DYNC1I1: variants seen among roughly 807,000 people sequenced by gnomAD.
DYNC1I1 encodes dynein cytoplasmic 1 intermediate chain 1, also known as cytoplasmic dynein 1 intermediate chain 1.
Under a neutral mutation model 86.6 loss-of-function variants are expected in DYNC1I1, and 43 were observed. That is an observed-to-expected ratio of 0.50 (90% confidence interval 0.39 to 0.64). DYNC1I1 has a LOEUF of 0.64. Ranked by LOEUF, DYNC1I1 falls within the 30% of genes least tolerant of loss-of-function variation. The pLI is 0.00. For synonymous variants in DYNC1I1, 262 were observed against 283.7 expected (o/e 0.92, Z 0.77); for missense variants, 604 against 788.8 (o/e 0.77, Z 2.81).
intron 16 of DYNC1I1, among the ~76,000 whole-genome samples, chr7:96,109,445 T>A (rs998962033): frequency 6.6e-6 from 1 of 151,726 alleles, no homozygotes; most frequent in Non-Finnish European, 1.5e-5. Context: ...TAACTTGCTC[T>A]TCTTTTTCTA....
At chr7:95,914,245 A>G (rs947758603) in intron 6 of DYNC1I1, among the ~76,000 whole-genome samples, 2 of 152,206 alleles carry the variant, frequency 1.3e-5, no homozygotes, top group Non-Finnish European at 2.9e-5. Context: ...CAGTAGCTGA[A>G]TAGGATGGGG....
chr7:95,963,694 G>T (rs930184557), intron 6 of DYNC1I1, among the ~76,000 whole-genome samples: 1 of 152,158 alleles, frequency 6.6e-6, no homozygotes, highest in Non-Finnish European at 1.5e-5. Flanking sequence ...ACTATTTGGA[G>T]GGATTGTCAG....
At chr7:95,990,505 T>G (rs1004711606) in intron 9 of DYNC1I1, among the ~76,000 whole-genome samples, 1 of 152,202 alleles carries the variant, frequency 6.6e-6, no homozygotes, top group Non-Finnish European at 1.5e-5. Context: ...TACTTCTTGC[T>G]TATGTTAGGA....
At chr7:96,025,435 A>G (rs1794654244) in intron 10 of DYNC1I1, among the ~76,000 whole-genome samples, 1 of 152,180 alleles carries the variant, frequency 6.6e-6, no homozygotes, top group Non-Finnish European at 1.5e-5. Flanking sequence ...GAAAATGAAA[A>G]AAAAAAGTCT....
intron 1 of DYNC1I1, among the ~76,000 whole-genome samples, chr7:95,798,765 CT>C (rs1794506991): frequency 6.6e-6 from 1 of 152,178 alleles, no homozygotes; most frequent in African/African-American, 2.4e-5. Flanking sequence ...GGTGCTGTTA[CT>C]CTGCAGCTGT....
intron 6 of DYNC1I1, among the ~76,000 whole-genome samples, chr7:95,902,060 G>T (rs911846775): frequency 6.6e-6 from 1 of 152,146 alleles, no homozygotes; most frequent in Admixed American, 6.6e-5. Flanking sequence ...TGCAATCTTT[G>T]TTTCTTTAGC....
chr7:95,893,857 G>C (rs923124043), intron 6 of DYNC1I1, among the ~76,000 whole-genome samples: 3 of 152,170 alleles, frequency 2.0e-5, no homozygotes, highest in Non-Finnish European at 2.9e-5. Context: ...AAATGAAACA[G>C]TAGAGTGTGC....
chr7:96,007,974 A>G (rs145119764), intron 10 of DYNC1I1, among the ~76,000 whole-genome samples: 11 of 152,174 alleles, frequency 7.2e-5, no homozygotes, highest in Admixed American at 3.3e-4. Flanking sequence ...ACGGTGAAGT[A>G]AGAGCTGCTG....
chr7:95,961,658 C>T (rs1312447119), intron 6 of DYNC1I1, among the ~76,000 whole-genome samples: 1 of 152,188 alleles, frequency 6.6e-6, no homozygotes, highest in African/African-American at 2.4e-5. Flanking sequence ...TGGCCAGGGA[C>T]AGAGGATGAG....
intron 14 of DYNC1I1, among the ~76,000 whole-genome samples, chr7:96,068,525 G>T (rs575706172): frequency 3.9e-5 from 6 of 152,232 alleles, no homozygotes; most frequent in Middle Eastern, 3.4e-3. Context: ...AGAATTAAAC[G>T]TTTAGATAAT....
intron 6 of DYNC1I1, among the ~76,000 whole-genome samples, chr7:95,928,878 T>G (rs1260395621): frequency 1.3e-5 from 2 of 152,004 alleles, no homozygotes; most frequent in Non-Finnish European, 2.9e-5. Flanking sequence ...GCATAAGTGG[T>G]GGTTCTTGCT....
At chr7:96,093,463 A>C (rs1413632210) in intron 16 of DYNC1I1, among the ~76,000 whole-genome samples, 1 of 152,212 alleles carries the variant, frequency 6.6e-6, no homozygotes, top group Non-Finnish European at 1.5e-5. Flanking sequence ...CATTGGCTGT[A>C]AAAATGGGAT....
chr7:95,843,460 C>T lies in DYNC1I1; in HGVS notation c.374+15344C>T, dbSNP rs139646722. Among the ~76,000 whole-genome samples the T allele has an allele frequency of 2.1e-4, 32 of 152,306 alleles. 2 individuals are homozygous for T. The East Asian group carries it at 6.2e-3, about 29-fold the overall frequency. On this transcript the variant is annotated intron_variant, in intron 5 of 16. Transcript: ENST00000447467. ...GTAACTTGGGGCAGTTGTAGGGCTC[C>T]TCTTACTTGTGTCCCTCCCTCATGT...
chr7:96,081,713 C>T (rs1040166406), intron 16 of DYNC1I1, among the ~76,000 whole-genome samples: 5 of 152,146 alleles, frequency 3.3e-5, no homozygotes, highest in Non-Finnish European at 5.9e-5. Context: ...TTTATGGTTT[C>T]ATCAATCAGC....
intron 5 of DYNC1I1, among the ~76,000 whole-genome samples, chr7:95,835,087 C>T (rs1789038437): frequency 2.4e-5 from 2 of 81,676 alleles, no homozygotes; most frequent in Non-Finnish European, 2.3e-5. Context: ...TGGATCTTTC[C>T]TGCTTTCTCT....
chr7:96,025,656 G>A (rs1461839704), intron 10 of DYNC1I1, among the ~76,000 whole-genome samples: 2 of 152,006 alleles, frequency 1.3e-5, no homozygotes, highest in Non-Finnish European at 1.5e-5. Flanking sequence ...CTTTGTTGGT[G>A]GTAAGTGTTG....
intron 14 of DYNC1I1, among the ~76,000 whole-genome samples, chr7:96,041,084 T>C (rs1055966717): frequency 2.0e-5 from 3 of 151,882 alleles, no homozygotes; most frequent in African/African-American, 7.3e-5. Context: ...ACTTAGGAAA[T>C]AAATAGAAAT....
At chr7:95,976,000 C>T (rs937705739) in intron 6 of DYNC1I1, among the ~76,000 whole-genome samples, 14 of 152,144 alleles carry the variant, frequency 9.2e-5, no homozygotes, top group Non-Finnish European at 1.5e-4. Flanking sequence ...TTAATATGTT[C>T]ACATACGGAT....
chr7:95,947,980 CT>C (rs35181190), intron 6 of DYNC1I1, among the ~76,000 whole-genome samples: 6,110 of 106,822 alleles, frequency 0.057, 258 homozygotes, highest in East Asian at 0.31. Flanking sequence ...TTGTATGTGG[CT>C]TTTTTTTTTT....
Sources: allele counts gnomAD v4.1 joint callset (sites outside exome capture counted in the v4.1 genomes callset), GRCh38; gene constraint gnomAD v4.1.1; transcripts MANE v1.5; gene names NCBI Gene and HGNC (gene_info 2026-07-23, HGNC 2026-07-21).